Variants in NAV3 observed in about 807,000 individuals in gnomAD.
NAV3 encodes neuron navigator 3, also known as pore membrane and/or filament interacting like protein 1.
A neutral mutation model predicts 244.7 loss-of-function variants in NAV3; 87 were observed. The observed-to-expected ratio is 0.36, with a 90% CI of 0.30 to 0.42. The LOEUF is 0.42. NAV3 is among the 20% of genes least tolerant of loss of function. The probability of loss-of-function intolerance (pLI) is 1.00; values close to 1 mark genes in which losing one functional copy is unlikely to be tolerated. For missense variants in NAV3, 2,663 were observed against 2,893.3 expected (o/e 0.92, Z 1.83); for synonymous variants, 1,126 against 1,042.2 (o/e 1.08, Z -1.55).
chr12:77,722,319 G>A (rs534588712), intron 2 of NAV3, among the ~76,000 whole-genome samples: 165 of 151,960 alleles, frequency 1.1e-3, no homozygotes, highest in Non-Finnish European at 1.9e-3. Context: ...ATGAATTCAG[G>A]GTTTTCTATA....
chr12:77,733,055 T>C (rs991596933), intron 2 of NAV3, among the ~76,000 whole-genome samples: 1 of 151,982 alleles, frequency 6.6e-6, no homozygotes, highest in Non-Finnish European at 1.5e-5. Flanking sequence ...GGGAAAATAA[T>C]ATGATTGATT....
rs138028952 is a variant in NAV3, at chr12:78,041,865, G to A, written c.2024-8128G>A. Among the ~76,000 whole-genome samples the A allele has an allele frequency of 3.6e-3, 542 of 152,240 alleles. 19 individuals are homozygous for A. The highest frequency in any genetic ancestry group is 0.024 in the South Asian group (118 of 4,824). ...TATTCCTAAAACAGATTATAGATAC[G>A]CATCTTGACTTCCCTATGTGACAAT... On this transcript the variant is annotated intron_variant, in intron 9 of 39. Coordinates refer to ENST00000397909, the MANE Select transcript of NAV3 (RefSeq NM_001024383.2).
chr12:77,958,320 T>G (rs967366988), intron 3 of NAV3, among the ~76,000 whole-genome samples: 7 of 152,168 alleles, frequency 4.6e-5, no homozygotes, highest in African/African-American at 1.7e-4. Context: ...TCGAAATTGA[T>G]CTCTGTAGCA....
chr12:77,810,019 C>A (rs1164759506), intron 2 of NAV3, among the ~76,000 whole-genome samples: 1 of 152,162 alleles, frequency 6.6e-6, no homozygotes, highest in Non-Finnish European at 1.5e-5. Context: ...ATATTACAAC[C>A]AGATTCTCAA....
chr12:77,824,420 A>G (rs887283502), intron 2 of NAV3, among the ~76,000 whole-genome samples: 2 of 151,870 alleles, frequency 1.3e-5, no homozygotes, highest in African/African-American at 4.8e-5. Context: ...AGCCTTGAAA[A>G]ATTAATTGCA....
In NAV3 at chr12:77,734,699, T is replaced by C. The variant is rs187428709; in HGVS notation, c.72+162433T>C. 4.3e-3 allele frequency among the ~76,000 whole-genome samples: 656 copies of C among 152,270 alleles called. 3 individuals carry two copies. Among genetic ancestry groups the C allele is most frequent in the Non-Finnish European group, 7.3e-3 (496 of 67,996 alleles). On this transcript the variant is annotated intron_variant, in intron 2 of 8. Coordinates refer to the NAV3 transcript ENST00000550042. ...AATGTGGAAGGGATGAGTCAGCCTA[T>C]CTGAGATTTTAAACTGCCAGTTCCA...
chr12:77,663,465 C>A (rs994329699), intron 2 of NAV3, among the ~76,000 whole-genome samples: 1 of 151,194 alleles, frequency 6.6e-6, no homozygotes, highest in Non-Finnish European at 1.5e-5. Context: ...CTAACTTTTT[C>A]GACTATGAGT....
chr12:78,160,396 T>TGTGTGC (rs1340036354), intron 23 of NAV3, among the ~76,000 whole-genome samples: 3 of 85,982 alleles, frequency 3.5e-5, no homozygotes, highest in African/African-American at 1.3e-4. Context: ...TGTGTGTGTG[T>TGTGTGC]GTGCGTGCGT....
chr12:77,732,686 A>T (rs549233035), intron 2 of NAV3, among the ~76,000 whole-genome samples: 1 of 152,172 alleles, frequency 6.6e-6, no homozygotes, highest in East Asian at 1.9e-4. Flanking sequence ...AATGAGGCAC[A>T]TATAGTTTAA....
intron 2 of NAV3, among the ~76,000 whole-genome samples, chr12:77,796,309 A>C (rs999817699): frequency 6.6e-6 from 1 of 152,194 alleles, no homozygotes; most frequent in African/African-American, 2.4e-5. Context: ...AAATAACTGC[A>C]GTTGTGGTGG....
chr12:77,585,491 AC>A (rs1869559943), intron 2 of NAV3, among the ~76,000 whole-genome samples: 1 of 98,566 alleles, frequency 1.0e-5, no homozygotes. Flanking sequence ...AAGGAAAAAG[AC>A]AAAAAATGAA....
chr12:77,813,678 G>A (rs1592706198), intron 2 of NAV3, among the ~76,000 whole-genome samples: 1 of 152,156 alleles, frequency 6.6e-6, no homozygotes, highest in Non-Finnish European at 1.5e-5. Flanking sequence ...CAGAATAAAT[G>A]TGTATCTAAG....
chr12:77,893,408 G>A (rs1462878941), intron 1 of NAV3, among the ~76,000 whole-genome samples: 1 of 152,102 alleles, frequency 6.6e-6, no homozygotes, highest in Non-Finnish European at 1.5e-5. Flanking sequence ...AGAAGGGATT[G>A]AGATTGTTAA....
intron 30 of NAV3, among the ~76,000 whole-genome samples, chr12:78,183,958 A>G (rs1333221217): frequency 1.3e-5 from 2 of 151,746 alleles, no homozygotes; most frequent in Admixed American, 1.3e-4. Context: ...GTTTTTGTTG[A>G]CTGAATCTTT....
chr12:77,585,985 A>AC (rs1869590937), intron 2 of NAV3, among the ~76,000 whole-genome samples: 1 of 152,050 alleles, frequency 6.6e-6, no homozygotes, highest in African/African-American at 2.4e-5. Context: ...ACATGGTGAG[A>AC]CCCCATCTCT....
chr12:77,771,918 T>A (rs1028906610), intron 2 of NAV3, among the ~76,000 whole-genome samples: 18 of 17,166 alleles, frequency 1.0e-3, no homozygotes, highest in African/African-American at 1.2e-3. Context: ...GTAATAATAA[T>A]AAAAAAATTA....
At chr12:78,205,222 A>T (rs1017803207) in intron 39 of NAV3, 84 bp downstream of exon 39, 1 of 1,365,550 alleles carries the variant, frequency 7.3e-7, no homozygotes, top group African/African-American at 1.4e-5. Flanking sequence ...TAGCGAAGAC[A>T]TTTGTTATCC....
At chr12:77,940,987 AT>A (rs933424724) in intron 2 of NAV3, 93 bp from the exon 3 acceptor site, 4,223 of 733,282 alleles carry the variant, frequency 5.8e-3, no homozygotes, top group South Asian at 8.2e-3. Flanking sequence ...TTTGCTTGGT[AT>A]TTTTTTTTTC....
chr12:78,125,695 A>T (rs1199422350), intron 16 of NAV3, among the ~76,000 whole-genome samples: 1 of 152,232 alleles, frequency 6.6e-6, no homozygotes, highest in East Asian at 1.9e-4. Flanking sequence ...CTGGCATATG[A>T]GTTTGCAACC....
Sources: allele counts gnomAD v4.1 joint callset (sites outside exome capture counted in the v4.1 genomes callset), GRCh38; gene constraint gnomAD v4.1.1; transcripts MANE v1.5; gene names NCBI Gene and HGNC (gene_info 2026-07-23, HGNC 2026-07-21).